Variants in TRIM5 observed in about 807,000 individuals in gnomAD.
TRIM5 encodes tripartite motif containing 5, also known as tripartite motif-containing protein 5.
In TRIM5, 31 loss-of-function variants were observed where a neutral mutation model predicts 35.6. That is an observed-to-expected ratio of 0.87 (90% confidence interval 0.65 to 1.18). The LOEUF (loss-of-function observed/expected upper bound fraction) is 1.18. Ranked by LOEUF, TRIM5 falls within the 50% of genes most tolerant of loss-of-function variation. The pLI is 0.00. For missense variants in TRIM5, 609 were observed against 591.6 expected (o/e 1.03, Z -0.31); for synonymous variants, 243 against 215.6 (o/e 1.13, Z -1.11).
chr11:5,621,634 T>C, the TRIM5 span, among the ~76,000 whole-genome samples: 1 of 152,218 alleles, frequency 6.6e-6, no homozygotes, highest in East Asian at 1.9e-4. Flanking sequence ...AAATAAATCT[T>C]GGAGCTTCAA....
the TRIM5 span, chr11:5,603,118 G>C: frequency 6.9e-7 from 1 of 1,451,398 alleles, no homozygotes. Flanking sequence ...GAACGTATTG[G>C]ATATGAGAAT....
At chr11:5,623,854 G>A in the TRIM5 span, among the ~76,000 whole-genome samples, 1 of 152,160 alleles carries the variant, frequency 6.6e-6, no homozygotes, top group African/African-American at 2.4e-5. Context: ...CCATGCATGA[G>A]TCAGATGGAG....
chr11:5,676,206 G>A (rs1003589591), intron 4 of TRIM5, among the ~76,000 whole-genome samples: 10 of 151,554 alleles, frequency 6.6e-5, no homozygotes, highest in African/African-American at 2.2e-4. Context: ...TAGTCCTTTG[G>A]GTATATACCC....
At position 5,663,474 on chromosome 11, in the gene TRIM5, C is replaced by CA; in HGVS notation, c.*1334dup. On this transcript the variant is annotated 3_prime_UTR_variant, in exon 8 of 8. Transcript: ENST00000380034. ...TCCAATCCTAGTTTCCCTGAAGGCA[C>CA]AACCTGTTCCATGAGACATTAACAG... The CA allele has an allele frequency of 2.0e-6, 2 of 985,330 alleles. No individual in the cohort carries two copies. Among genetic ancestry groups the CA allele is most frequent in the Non-Finnish European group, 2.4e-6 (2 of 829,850 alleles). 61.0% of individuals were successfully genotyped at this position (985,330 alleles called of 1,614,324 possible). A position where few individuals can be genotyped will look rare whatever the true frequency, so the allele number is the denominator to read the frequency against.
At chr11:5,607,498 C>T in the TRIM5 span, among the ~76,000 whole-genome samples, 1 of 152,126 alleles carries the variant, frequency 6.6e-6, no homozygotes, top group African/African-American at 2.4e-5. Context: ...CAAACTTAAG[C>T]TTTTCTTCGG....
the TRIM5 span, among the ~76,000 whole-genome samples, chr11:5,627,367 C>G: frequency 6.6e-6 from 1 of 151,550 alleles, no homozygotes; most frequent in African/African-American, 2.4e-5. Flanking sequence ...GTAACAAGAG[C>G]AAAACTCCGT....
the TRIM5 span, chr11:5,633,926 G>C: frequency 6.2e-7 from 1 of 1,611,282 alleles, no homozygotes; most frequent in Non-Finnish European, 8.5e-7. Context: ...AAGGTTTTCT[G>C]AGACAGGAAT....
the TRIM5 span, among the ~76,000 whole-genome samples, chr11:5,591,842 T>A: frequency 1.3e-5 from 2 of 152,236 alleles, no homozygotes; most frequent in Admixed American, 1.3e-4. Context: ...GTTCCACCTG[T>A]GGTTGCATGC....
intron 4 of TRIM5, chr11:5,669,906 C>T (rs932335593): frequency 4.7e-5 from 9 of 192,202 alleles, no homozygotes; most frequent in Admixed American, 1.7e-4. Context: ...ACCCAGGAGG[C>T]GGAGGTTGCA....
chr11:5,666,106 A>G (rs1190354674), intron 5 of TRIM5, 25 bp from the exon 6 acceptor site: 1 of 1,556,838 alleles, frequency 6.4e-7, no homozygotes, highest in South Asian at 1.2e-5. Flanking sequence ...AAAAAAAAAA[A>G]ACTTCCAAAC....
chr11:5,596,852 C>T, the TRIM5 span: 2 of 1,613,768 alleles, frequency 1.2e-6, no homozygotes, highest in Non-Finnish European at 1.7e-6. Flanking sequence ...GCTTTGACCA[C>T]CTGATATTGC....
the TRIM5 span, among the ~76,000 whole-genome samples, chr11:5,637,799 T>C: frequency 1.3e-5 from 2 of 152,254 alleles, no homozygotes; most frequent in African/African-American, 4.8e-5. Context: ...TCTGTCTCTA[T>C]GACTTTGCCT....
At chr11:5,637,008 T>C in the TRIM5 span, among the ~76,000 whole-genome samples, 14 of 152,140 alleles carry the variant, frequency 9.2e-5, no homozygotes, top group African/African-American at 3.1e-4. Context: ...TAGCCGGGCA[T>C]TTTATAATAT....
At chr11:5,681,800 AT>A (rs1022163710) in intron 1 of TRIM5, among the ~76,000 whole-genome samples, 1 of 151,370 alleles carries the variant, frequency 6.6e-6, no homozygotes. Flanking sequence ...AGCTTTTAAT[AT>A]TTTTTTTTCT....
chr11:5,648,404 G>A, the TRIM5 span, among the ~76,000 whole-genome samples: 1 of 151,984 alleles, frequency 6.6e-6, no homozygotes, highest in African/African-American at 2.4e-5. Flanking sequence ...TACTCAGTTG[G>A]CTGAGGCGGG....
rs1490387955 is a variant in TRIM5, at chr11:5,663,337, A to G, written c.*1472T>C. ...GTTTGATAAAGACTAATATGTAGCAACACTAGAATTACAATAAAATCCTAA... is the reference window on the plus strand; with the variant it reads ...GTTTGATAAAGACTAATATGTAGCAGCACTAGAATTACAATAAAATCCTAA... On this transcript the variant is annotated 3_prime_UTR_variant, in exon 8 of 8. Transcript: ENST00000380034. 2.1e-6 allele frequency: 2 copies of G among 950,948 alleles called. No homozygotes were observed. The highest frequency in any genetic ancestry group is 2.5e-6 in the Non-Finnish European group (2 of 798,598). The allele number at this position is 950,948 out of a possible 1,614,324, so 58.9% of individuals were successfully genotyped here.
chr11:5,633,909 G>C, the TRIM5 span: 7 of 1,612,956 alleles, frequency 4.3e-6, no homozygotes, highest in Admixed American at 1.7e-5. Flanking sequence ...GGCAAGAGGA[G>C]ATTCTGAAGG....
chr11:5,615,577 G>GTTGT, the TRIM5 span, among the ~76,000 whole-genome samples: 14 of 109,508 alleles, frequency 1.3e-4, no homozygotes, highest in African/African-American at 4.3e-4. Context: ...CTTGTTTTTT[G>GTTGT]TTTTTTTTTT....
chr11:5,683,712 G>T (rs1852753604), intron 1 of TRIM5, among the ~76,000 whole-genome samples: 2 of 151,950 alleles, frequency 1.3e-5, no homozygotes, highest in African/African-American at 2.4e-5. Context: ...ATCTAGTGGG[G>T]ACTGGAGAAC....
Sources: allele counts gnomAD v4.1 joint callset (sites outside exome capture counted in the v4.1 genomes callset), GRCh38; gene constraint gnomAD v4.1.1; transcripts MANE v1.5; gene names NCBI Gene and HGNC (gene_info 2026-07-23, HGNC 2026-07-21).